TG: variants seen among roughly 807,000 people sequenced by gnomAD.
The protein encoded by TG is thyroglobulin, also known as thyroid hormones.
Under a neutral mutation model 324.7 loss-of-function variants are expected in TG, and 270 were observed. That is an observed-to-expected ratio of 0.83 (90% CI 0.75 to 0.92). TG has a LOEUF of 0.92. Ranked by LOEUF, TG falls within the 40% of genes least tolerant of loss-of-function variation. TG has a pLI of 0.00. For synonymous variants in TG, 1,401 were observed against 1,327.0 expected (o/e 1.06, Z -1.21); for missense variants, 3,591 against 3,456.4 (o/e 1.04, Z -0.98).
At chr8:133,058,886 G>A (rs936906933) in intron 41 of TG, among the ~76,000 whole-genome samples, 7 of 152,150 alleles carry the variant, frequency 4.6e-5, no homozygotes, top group African/African-American at 1.7e-4. Context: ...AGATAAATAA[G>A]AGCACTAGGA....
intron 41 of TG, among the ~76,000 whole-genome samples, chr8:133,044,263 A>G (rs963270579): frequency 2.6e-5 from 4 of 152,074 alleles, no homozygotes; most frequent in Non-Finnish European, 5.9e-5. Context: ...CTTTCACAGT[A>G]TAACTCAACT....
Position 133,116,593 on chromosome 8 carries a change from G to A in TG, c.7755-16G>A. ...CCATGTTTAACCAGACTCCCCCCAT[G>A]TTCTCTTTTCACCAGGGACTACTTT... On this transcript the variant is annotated splice_polypyrimidine_tract_variant and intron_variant, in intron 44 of 47. Transcript: ENST00000220616. 1 of 1,608,366 alleles carries A rather than the reference G, an allele frequency of 6.2e-7. No homozygotes were observed. The highest frequency in any genetic ancestry group is 8.5e-7 in the Non-Finnish European group (1 of 1,174,720).
intron 41 of TG, among the ~76,000 whole-genome samples, chr8:133,053,369 G>C (rs1247543711): frequency 6.6e-6 from 1 of 152,180 alleles, no homozygotes. Context: ...TGCCACACCT[G>C]TTTTACAAAG....
chr8:132,941,976 CATTTCCCA>C (rs1352538222), intron 26 of TG, among the ~76,000 whole-genome samples: 1 of 152,222 alleles, frequency 6.6e-6, no homozygotes, highest in Admixed American at 6.5e-5. Flanking sequence ...AGCTCATTCC[CATTTCCCA>C]CCATCATTCA....
intron 45 of TG, among the ~76,000 whole-genome samples, chr8:133,124,689 T>C (rs1851389140): frequency 6.6e-6 from 1 of 152,194 alleles, no homozygotes; most frequent in African/African-American, 2.4e-5. Flanking sequence ...TTAGGAAAAC[T>C]GAGGCTCTGA....
intron 25 of TG, among the ~76,000 whole-genome samples, chr8:132,938,482 T>C (rs2739066): frequency 0.54 from 81,768 of 152,034 alleles, 22,900 homozygotes; most frequent in Non-Finnish European, 0.61. Flanking sequence ...TGGAACCTCC[T>C]CTGAGTCTGA....
intron 41 of TG, chr8:133,047,820 G>C: frequency 6.9e-7 from 1 of 1,439,368 alleles, no homozygotes; most frequent in Non-Finnish European, 9.8e-7. Context: ...ATGAGTTGGG[G>C]GCCACTCACC....
intron 45 of TG, among the ~76,000 whole-genome samples, chr8:133,117,089 A>T (rs1850759941): frequency 6.6e-6 from 1 of 152,240 alleles, no homozygotes; most frequent in South Asian, 2.1e-4. Context: ...GCCAAATGAA[A>T]GTTGTATTCA....
intron 41 of TG, among the ~76,000 whole-genome samples, chr8:133,042,686 T>A (rs1486527152): frequency 8.4e-6 from 1 of 118,388 alleles, no homozygotes; most frequent in Non-Finnish European, 1.7e-5. Context: ...GTCTTTTTTT[T>A]TTTTTTTTTT....
chr8:133,033,233 A>G (rs1437806947), intron 41 of TG, among the ~76,000 whole-genome samples: 1 of 152,194 alleles, frequency 6.6e-6, no homozygotes, highest in Non-Finnish European at 1.5e-5. Context: ...ATGGTTTGCA[A>G]ACTATCTTGC....
intron 35 of TG, among the ~76,000 whole-genome samples, chr8:132,999,835 G>T (rs1300832080): frequency 1.3e-5 from 2 of 152,184 alleles, no homozygotes; most frequent in South Asian, 4.2e-4. Flanking sequence ...TGTCCTGAAG[G>T]CTTACATTGT....
chr8:132,881,988 G>A lies in TG; in HGVS notation c.745+19G>A. The A allele has an allele frequency of 6.6e-7, 1 of 1,519,576 alleles. No individual in the cohort carries two copies. The highest frequency in any genetic ancestry group is 9.1e-7 in the Non-Finnish European group (1 of 1,093,658). 94.1% of individuals were successfully genotyped at this position (1,519,576 alleles called of 1,614,324 possible). A position where few individuals can be genotyped will look rare whatever the true frequency, so the allele number is the denominator to read the frequency against. ...GAGACAGGTGAGTGATACCCCTCAGGTGATCTGAAGGGAGGGAGTGTGATT... is the reference window on the plus strand; with the variant it reads ...GAGACAGGTGAGTGATACCCCTCAGATGATCTGAAGGGAGGGAGTGTGATT... On this transcript the variant is annotated intron_variant, in intron 6 of 47. Coordinates refer to ENST00000220616, the MANE Select transcript of TG (RefSeq NM_003235.5).
At chr8:133,063,749 C>A (rs1020835056) in intron 41 of TG, 5 of 152,222 alleles carry the variant, frequency 3.3e-5, no homozygotes, top group Non-Finnish European at 7.3e-5. Context: ...ACCAAAAAAA[C>A]CATCAGGTCT....
chr8:132,905,252 C>CAATATT (rs1304965165), intron 16 of TG, among the ~76,000 whole-genome samples: 4 of 152,142 alleles, frequency 2.6e-5, no homozygotes, highest in African/African-American at 9.7e-5. Flanking sequence ...ATATTAGGGC[C>CAATATT]AGGATTCATA....
chr8:132,894,314 G>C (rs1007220471), intron 11 of TG, among the ~76,000 whole-genome samples: 1 of 152,118 alleles, frequency 6.6e-6, no homozygotes, highest in Non-Finnish European at 1.5e-5. Context: ...GGGAGAGGAA[G>C]CCTCGATATT....
At chr8:133,057,926 CAGGGTCTGTGG>C (rs1289551979) in intron 41 of TG, among the ~76,000 whole-genome samples, 1 of 152,142 alleles carries the variant, frequency 6.6e-6, no homozygotes, top group Non-Finnish European at 1.5e-5. Context: ...TGTGCACGGC[CAGGGTCTGTGG>C]AGGGTCTGTG....
At chr8:133,041,176 C>G (rs1838155722) in intron 41 of TG, among the ~76,000 whole-genome samples, 1 of 152,252 alleles carries the variant, frequency 6.6e-6, no homozygotes, top group South Asian at 2.1e-4. Flanking sequence ...TGAGGTGCCA[C>G]TGGCCTCCGG....
At chr8:132,904,709 C>T (rs988023687) in intron 16 of TG, among the ~76,000 whole-genome samples, 4 of 152,164 alleles carry the variant, frequency 2.6e-5, no homozygotes, top group Non-Finnish European at 4.4e-5. Flanking sequence ...AATCAGATCA[C>T]TCACTGGCCC....
intron 18 of TG, among the ~76,000 whole-genome samples, chr8:132,910,831 C>G (rs1181331072): frequency 6.6e-6 from 1 of 152,172 alleles, no homozygotes; most frequent in Non-Finnish European, 1.5e-5. Flanking sequence ...AGAGGTGAAG[C>G]TTGTGTTCAA....
Sources: allele counts gnomAD v4.1 joint callset (sites outside exome capture counted in the v4.1 genomes callset), GRCh38; gene constraint gnomAD v4.1.1; transcripts MANE v1.5; gene names NCBI Gene and HGNC (gene_info 2026-07-23, HGNC 2026-07-21).